Variants in CPSF2 observed in about 807,000 individuals in gnomAD.
CPSF2 encodes cleavage and polyadenylation specificity factor subunit 2.
CPSF2 carries 51 observed loss-of-function variants against 84.2 expected under a neutral mutation model. The ratio of observed to expected loss-of-function variants is 0.61; its 90% confidence interval spans 0.48 to 0.77. The LOEUF (loss-of-function observed/expected upper bound fraction) is 0.77. CPSF2 is among the 30% of genes least tolerant of loss of function. The pLI, the probability that CPSF2 is intolerant of heterozygous loss-of-function variation, is 0.00. For missense variants in CPSF2, 641 were observed against 929.4 expected, an observed-to-expected ratio of 0.69 and a Z score of 4.03; for synonymous variants, 286 against 311.9, an observed-to-expected ratio of 0.92 and a Z score of 0.87.
At chr14:92,143,882 G>C (rs977163331) in intron 9 of CPSF2, among the ~76,000 whole-genome samples, 7 of 152,150 alleles carry the variant, frequency 4.6e-5, no homozygotes, top group Non-Finnish European at 8.8e-5. Context: ...AGTTTACCCA[G>C]AGGGTAAGCA....
In CPSF2 at chr14:92,161,969, A is replaced by G. The variant is rs1595069801; in HGVS notation, c.*225A>G. ...GTGATAGAGCTCCTAACAGGTGTAC[A>G]GGCCCAAGAGTTGAAGGTGATTGGT... On this transcript the variant is annotated 3_prime_UTR_variant, in exon 16 of 16. Transcript: ENST00000298875. 5.6e-6 allele frequency: 2 copies of G among 355,150 alleles called. No individual in the cohort carries two copies. Among genetic ancestry groups the G allele is most frequent in the East Asian group, 1.0e-4 (2 of 19,056 alleles). The allele number at this position is 355,150 out of a possible 1,614,324, so 22.0% of individuals were successfully genotyped here.
intron 3 of CPSF2, among the ~76,000 whole-genome samples, chr14:92,133,403 A>T (rs1311966003): frequency 1.3e-5 from 2 of 151,964 alleles, no homozygotes; most frequent in Non-Finnish European, 2.9e-5. Context: ...CTGGGCAACA[A>T]GAGCAAAACT....
chr14:92,145,894 A>G (rs1037051894), intron 9 of CPSF2, among the ~76,000 whole-genome samples: 2 of 152,198 alleles, frequency 1.3e-5, no homozygotes, highest in Non-Finnish European at 2.9e-5. Context: ...CTTCTTAGCG[A>G]TAGTTCTTTT....
rs1012398714 is a variant in CPSF2, at chr14:92,163,346, C to T, written c.*1602C>T. On this transcript the variant is annotated 3_prime_UTR_variant, in exon 16 of 16. Coordinates refer to ENST00000298875, the MANE Select transcript of CPSF2 (RefSeq NM_017437.3). The stretch of plus-strand genomic sequence containing the variant: ...GATTATAGTGTTAATGCAAAGTTTA[C>T]AGACTTTTGATATGGAAAACCAGAT... 6.8e-6 allele frequency: 1 copy of T among 146,558 alleles called. No individual in the cohort carries two copies. Among genetic ancestry groups the T allele is most frequent in the African/African-American group, 2.6e-5 (1 of 38,292 alleles). 9.1% of individuals were successfully genotyped at this position (146,558 alleles called of 1,614,324 possible). A position where few individuals can be genotyped will look rare whatever the true frequency, so the allele number is the denominator to read the frequency against.
chr14:92,128,052 G>A (rs986411993), intron 2 of CPSF2, among the ~76,000 whole-genome samples: 2 of 152,148 alleles, frequency 1.3e-5, no homozygotes, highest in African/African-American at 2.4e-5. Context: ...GCCTGTTTGA[G>A]GCCTTTGGCC....
chr14:92,126,411 G>A (rs1416019673), intron 2 of CPSF2, among the ~76,000 whole-genome samples: 1 of 152,094 alleles, frequency 6.6e-6, no homozygotes, highest in East Asian at 1.9e-4. Flanking sequence ...ATATAATTGT[G>A]GTACAGTAAG....
intron 7 of CPSF2, among the ~76,000 whole-genome samples, chr14:92,140,207 C>T (rs2141463263): frequency 6.6e-6 from 1 of 151,998 alleles, no homozygotes; most frequent in African/African-American, 2.4e-5. Context: ...CCACCTCGGC[C>T]TCCCAAAGTG....
At chr14:92,139,074 A>G (rs1027934454) in intron 7 of CPSF2, among the ~76,000 whole-genome samples, 1 of 152,146 alleles carries the variant, frequency 6.6e-6, no homozygotes, top group Admixed American at 6.5e-5. Flanking sequence ...TCACTGGCAT[A>G]TGTCTGTATG....
At chr14:92,137,223 A>G (rs767248547) in intron 6 of CPSF2, among the ~76,000 whole-genome samples, 2 of 151,998 alleles carry the variant, frequency 1.3e-5, no homozygotes, top group African/African-American at 2.4e-5. Context: ...TTATATTTTT[A>G]TGTATTTTTT....
intron 9 of CPSF2, among the ~76,000 whole-genome samples, chr14:92,153,552 T>A (rs1023449073): frequency 3.3e-5 from 5 of 152,214 alleles, no homozygotes; most frequent in African/African-American, 4.8e-5. Context: ...TGTATTTTCT[T>A]TTCCTGATTG....
chr14:92,159,497 A>G (rs1341749348), intron 14 of CPSF2, among the ~76,000 whole-genome samples: 2 of 152,264 alleles, frequency 1.3e-5, no homozygotes, highest in Admixed American at 6.5e-5. Flanking sequence ...GCTTGAGGCC[A>G]GGAGCTCTAC....
In CPSF2 at chr14:92,167,425, G is replaced by C. The variant is rs2069463458; in HGVS notation, c.*5681G>C. ...TTAATGTTAGTGCTGAAAGGGACTAGAGAGCTCATCTAATTCAACCCACTT... is the reference window on the plus strand; with the variant it reads ...TTAATGTTAGTGCTGAAAGGGACTACAGAGCTCATCTAATTCAACCCACTT... On this transcript the variant is annotated 3_prime_UTR_variant, in exon 16 of 16. Coordinates refer to ENST00000298875, the MANE Select transcript of CPSF2 (RefSeq NM_017437.3). 1 of 152,172 alleles carries C rather than the reference G, an allele frequency of 6.6e-6. No homozygotes were observed. The highest frequency in any genetic ancestry group is 1.5e-5 in the Non-Finnish European group (1 of 68,042). The allele number at this position is 152,172 out of a possible 1,614,324, so 9.4% of individuals were successfully genotyped here.
intron 2 of CPSF2, among the ~76,000 whole-genome samples, chr14:92,129,569 G>A (rs1043240299): frequency 1.3e-5 from 2 of 152,170 alleles, no homozygotes; most frequent in Admixed American, 6.5e-5. Context: ...TACTTGCATA[G>A]TTAGCCAGGA....
At position 92,127,910 on chromosome 14, in the gene CPSF2, A is replaced by T. The variant is rs141294598; in HGVS notation, c.-35+1730A>T. Among the ~76,000 whole-genome samples, 531 of 152,292 alleles carry T rather than the reference A, an allele frequency of 3.5e-3. 5 individuals carry two copies. Among genetic ancestry groups the T allele is most frequent in the Middle Eastern group, 0.01 (3 of 294 alleles). On this transcript the variant is annotated intron_variant, in intron 2 of 15. Transcript: ENST00000298875. ...TTTTCTGATTGAAGAATGAAATGAGATTATCAGCTGAGACTAGGGTGGAGG... is the reference window on the plus strand; with the variant it reads ...TTTTCTGATTGAAGAATGAAATGAGTTTATCAGCTGAGACTAGGGTGGAGG...
intron 13 of CPSF2, among the ~76,000 whole-genome samples, chr14:92,158,206 A>G (rs964211595): frequency 1.3e-5 from 2 of 152,194 alleles, no homozygotes; most frequent in African/African-American, 4.8e-5. Flanking sequence ...ACAGAGTAGG[A>G]AAGGGGGGGA....
Position 92,170,199 on chromosome 14 carries a change from C to CTTATTTGTTAAAAT in CPSF2, c.*8456_*8457insTATTTGTTAAAATT, listed in dbSNP as rs1404937959. 6.6e-6 allele frequency: 1 copy of CTTATTTGTTAAAAT among 152,184 alleles called. No homozygotes were observed. Among genetic ancestry groups the CTTATTTGTTAAAAT allele is most frequent in the Non-Finnish European group, 1.5e-5 (1 of 68,040 alleles). 9.4% of individuals were successfully genotyped at this position (152,184 alleles called of 1,614,324 possible). Reference sequence around the variant, plus strand: ...AAATACTACTTGTCTTATTTGTTAACTATTTTGAAATAATTTTAAACTTAC... The same window carrying CTTATTTGTTAAAAT: ...AAATACTACTTGTCTTATTTGTTAACTTATTTGTTAAAATTATTTTGAAATAATTTTAAACTTAC... On this transcript the variant is annotated 3_prime_UTR_variant, in exon 16 of 16. Transcript: ENST00000298875.
Position 92,167,549 on chromosome 14 carries a change from G to C in CPSF2, c.*5805G>C, listed in dbSNP as rs2069464581. 1 of 152,200 alleles carries C rather than the reference G, an allele frequency of 6.6e-6. No individual in the cohort carries two copies. The allele number at this position is 152,200 out of a possible 1,614,324, so 9.4% of individuals were successfully genotyped here. A position where few individuals can be genotyped will look rare whatever the true frequency, so the allele number is the denominator to read the frequency against. ...GAGTTGGGATTGGAACCAAGTCTTA[G>C]AGAATCCATTGTTGCTTCTACACTG... On this transcript the variant is annotated 3_prime_UTR_variant, in exon 16 of 16. Transcript: ENST00000298875.
At chr14:92,156,220 G>A (rs540615697) in intron 11 of CPSF2, among the ~76,000 whole-genome samples, 5 of 152,186 alleles carry the variant, frequency 3.3e-5, no homozygotes, top group Admixed American at 6.5e-5. Flanking sequence ...ACAGGGAGGC[G>A]GAGGTTGCAG....
In CPSF2 at chr14:92,161,820, G is replaced by T; in HGVS notation, c.*76G>T. ...TCTTATCTTACTCTGAGCTTTTGAT[G>T]TTTTGTTTTGTAACATACAAAAAGA... On this transcript the variant is annotated 3_prime_UTR_variant, in exon 16 of 16. Coordinates refer to ENST00000298875, the MANE Select transcript of CPSF2 (RefSeq NM_017437.3). The T allele has an allele frequency of 1.2e-6, 1 of 817,454 alleles. No individual in the cohort carries two copies. Among genetic ancestry groups the T allele is most frequent in the Admixed American group, 3.3e-5 (1 of 30,540 alleles). The allele number at this position is 817,454 out of a possible 1,614,324, so 50.6% of individuals were successfully genotyped here.
Sources: gnomAD v4.1 joint callset for allele counts (sites outside exome capture counted in the v4.1 genomes callset) on GRCh38, gnomAD v4.1.1 for gene constraint, MANE v1.5 for transcripts, NCBI Gene and HGNC (gene_info 2026-07-23, HGNC 2026-07-21) for gene names.